Variants in DACH2 observed in about 807,000 individuals in gnomAD.
The protein encoded by DACH2 is dachshund family transcription factor 2, also known as dachshund homolog 2.
Under a neutral mutation model 35.8 loss-of-function variants are expected in DACH2, and 17 were observed. The ratio of observed to expected loss-of-function variants is 0.48; its 90% CI spans 0.33 to 0.71. The LOEUF is 0.71. Among genes scored for constraint, DACH2 ranks in the 30% least tolerant of loss-of-function variants. The pLI is 0.02. For missense variants in DACH2, 469 were observed against 472.7 expected (o/e 0.99, Z 0.07); for synonymous variants, 195 against 177.3 (o/e 1.10, Z -0.79).
chrX:86,293,094 A>G (rs1467023195), intron 1 of DACH2, among the ~76,000 whole-genome samples: 6 of 93,632 alleles, frequency 6.4e-5, no homozygotes, highest in Non-Finnish European at 8.3e-5. Flanking sequence ...GACTTGCTTT[A>G]TGAATCTGGG....
chrX:86,732,109 G>A (rs1181057369), intron 6 of DACH2, among the ~76,000 whole-genome samples: 1 of 112,011 alleles, frequency 8.9e-6, no homozygotes, highest in Non-Finnish European at 1.9e-5. Context: ...ATTGGAGAAA[G>A]TTCCATTGGA....
intron 4 of DACH2, among the ~76,000 whole-genome samples, chrX:86,673,690 C>T (rs1380595197): frequency 9.0e-5 from 10 of 110,757 alleles, no homozygotes; most frequent in East Asian, 2.9e-4. Context: ...TGGGAGGGGC[C>T]GGGGGCAGAA....
chrX:86,733,273 T>TA (rs1311123206), intron 6 of DACH2, among the ~76,000 whole-genome samples: 4 of 111,602 alleles, frequency 3.6e-5, no homozygotes, highest in Non-Finnish European at 7.5e-5. Flanking sequence ...TTATTAGTAA[T>TA]ACAGACTTTA....
intron 1 of DACH2, among the ~76,000 whole-genome samples, chrX:86,225,758 A>G (rs1330286220): frequency 3.6e-5 from 4 of 111,089 alleles, no homozygotes; most frequent in Non-Finnish European, 7.6e-5. Context: ...AATGAGTTAA[A>G]GAACATGAAG....
chrX:86,648,582 G>A lies in DACH2; in HGVS notation c.641-2454G>A, dbSNP rs2040440896. Among the ~76,000 whole-genome samples the A allele has an allele frequency of 1.8e-5, 2 of 110,680 alleles. 1 individual carries two copies. Among genetic ancestry groups the A allele is most frequent in the South Asian group, 7.5e-4 (2 of 2,652 alleles). On this transcript the variant is annotated intron_variant, in intron 3 of 11. Coordinates refer to ENST00000373125, the MANE Select transcript of DACH2 (RefSeq NM_053281.3). Reference sequence around the variant, plus strand: ...ATCCTTGAGTATAGTTTTATCTGAAGACACAGATATTCAGGTGCTGTACTG... The same window carrying A: ...ATCCTTGAGTATAGTTTTATCTGAAAACACAGATATTCAGGTGCTGTACTG...
chrX:86,475,994 G>T (rs2037837570), intron 2 of DACH2, among the ~76,000 whole-genome samples: 1 of 112,362 alleles, frequency 8.9e-6, no homozygotes, highest in Non-Finnish European at 1.9e-5. Context: ...AGTTGTGTAT[G>T]TGGAACCATT....
chrX:86,685,741 G>A (rs2040935052), intron 4 of DACH2, among the ~76,000 whole-genome samples: 1 of 110,655 alleles, frequency 9.0e-6, no homozygotes, highest in African/African-American at 3.3e-5. Flanking sequence ...AAAAGCAGTA[G>A]CAATGAAGAG....
intron 2 of DACH2, among the ~76,000 whole-genome samples, chrX:86,437,155 T>G (rs1170116265): frequency 9.0e-6 from 1 of 111,206 alleles, no homozygotes; most frequent in Non-Finnish European, 1.9e-5. Flanking sequence ...TCCACACTGA[T>G]TTTTTTATTG....
At chrX:86,438,729 C>A (rs1160226149) in intron 2 of DACH2, among the ~76,000 whole-genome samples, 3 of 112,173 alleles carry the variant, frequency 2.7e-5, no homozygotes. Flanking sequence ...AATGGGATTG[C>A]TGGATCAAAT....
intron 11 of DACH2, among the ~76,000 whole-genome samples, chrX:86,823,165 C>T (rs1373954319): frequency 1.8e-5 from 2 of 110,949 alleles, no homozygotes; most frequent in East Asian, 5.7e-4. Context: ...AGGCTCCTGA[C>T]CTCAGGTAAT....
chrX:86,339,099 A>G (rs931892341), intron 1 of DACH2, among the ~76,000 whole-genome samples: 9 of 111,989 alleles, frequency 8.0e-5, no homozygotes, highest in African/African-American at 2.9e-4. Context: ...AAAACAGTCC[A>G]GGACCAGACG....
intron 3 of DACH2, among the ~76,000 whole-genome samples, chrX:86,592,529 C>T (rs1168024713): frequency 7.2e-5 from 8 of 111,587 alleles, no homozygotes; most frequent in African/African-American, 2.0e-4. Flanking sequence ...TTCATATAAA[C>T]GTTAGAATGA....
At chrX:86,630,376 A>G (rs897819457) in intron 3 of DACH2, among the ~76,000 whole-genome samples, 2 of 109,530 alleles carry the variant, frequency 1.8e-5, no homozygotes, top group South Asian at 7.7e-4. Context: ...ATATATATAT[A>G]TACACACATA....
At chrX:86,799,835 A>G (rs1309685496) in intron 7 of DACH2, among the ~76,000 whole-genome samples, 1 of 111,835 alleles carries the variant, frequency 8.9e-6, no homozygotes, top group Non-Finnish European at 1.9e-5. Context: ...CCAGATCTAC[A>G]AGGCTAGCAT....
At chrX:86,686,655 G>A (rs1005662597) in intron 4 of DACH2, among the ~76,000 whole-genome samples, 5 of 111,796 alleles carry the variant, frequency 4.5e-5, no homozygotes, top group Non-Finnish European at 7.5e-5. Flanking sequence ...ATTTGAAATT[G>A]CAAAATAATA....
intron 2 of DACH2, among the ~76,000 whole-genome samples, chrX:86,494,798 T>C (rs1602580707): frequency 8.9e-6 from 1 of 112,381 alleles, no homozygotes; most frequent in African/African-American, 3.2e-5. Context: ...TCAATTGCAA[T>C]AATGCACCAG....
rs764898701 is a variant in DACH2, at chrX:86,322,974, ACAGATGGGG to A, written c.489-53847_489-53839del. ...TGCTGAAAGCAGAGTTCTCCTGTTC[ACAGATGGGG>A]CATAAGGTTTGGTCTCTAGCAGAGG... On this transcript the variant is annotated intron_variant, in intron 1 of 11. Transcript: ENST00000373125. Among the ~76,000 whole-genome samples, 14 of 112,415 alleles carry A rather than the reference ACAGATGGGG, an allele frequency of 1.2e-4. No homozygotes were observed. In the East Asian group the frequency reaches 4.0e-3, roughly 32 times the overall value.
At chrX:86,587,326 G>T (rs1260689381) in intron 3 of DACH2, among the ~76,000 whole-genome samples, 2 of 111,445 alleles carry the variant, frequency 1.8e-5, no homozygotes, top group East Asian at 2.8e-4. Context: ...AGACTATGGG[G>T]TCTTATAGAT....
chrX:86,405,890 A>G (rs1014375720), intron 2 of DACH2, among the ~76,000 whole-genome samples: 2 of 111,622 alleles, frequency 1.8e-5, no homozygotes, highest in African/African-American at 6.5e-5. Flanking sequence ...GGGGAAACAA[A>G]CACGTCCTAA....
Sources: allele counts gnomAD v4.1 joint callset (sites outside exome capture counted in the v4.1 genomes callset), GRCh38; gene constraint gnomAD v4.1.1; transcripts MANE v1.5; gene names NCBI Gene and HGNC (gene_info 2026-07-23, HGNC 2026-07-21).